DDX1: variants seen among roughly 807,000 people sequenced by gnomAD.
The protein encoded by DDX1 is DEAD-box helicase 1, also known as ATP-dependent RNA helicase DDX1.
A neutral mutation model predicts 108.7 loss-of-function variants in DDX1; 28 were observed. The ratio of observed to expected loss-of-function variants is 0.26; its 90% CI spans 0.19 to 0.35. The LOEUF (loss-of-function observed/expected upper bound fraction) is 0.35. Among genes scored for constraint, DDX1 ranks in the 10% least tolerant of loss-of-function variants. DDX1 has a pLI of 1.00. For missense variants in DDX1, 710 were observed against 884.5 expected (o/e 0.80, Z 2.50); for synonymous variants, 295 against 288.9 (o/e 1.02, Z -0.21).
chr2:15,629,902 C>A, intron 24 of DDX1, 88 bp from the exon 25 acceptor site: 1 of 1,307,292 alleles, frequency 7.6e-7, no homozygotes, highest in Non-Finnish European at 1.1e-6. Flanking sequence ...ACCAAGCATT[C>A]TGGCCTTTCC....
In DDX1 at chr2:15,604,512, A is replaced by G; in HGVS notation, c.625+3A>G. On this transcript the variant is annotated splice_donor_region_variant and intron_variant, in intron 10 of 25. Transcript: ENST00000233084. ...ACATGTCAAGTTCTCCAAAAATGGTAAGCTCTATATGGATCTTAGTAGTGA... is the reference window on the plus strand; with the variant it reads ...ACATGTCAAGTTCTCCAAAAATGGTGAGCTCTATATGGATCTTAGTAGTGA... 6.3e-7 allele frequency: 1 copy of G among 1,577,530 alleles called. No homozygotes were observed. The highest frequency in any genetic ancestry group is 1.1e-5 in the South Asian group (1 of 90,288).
In DDX1 at chr2:15,628,533, T is replaced by C. The variant is rs1345115215; in HGVS notation, c.1759+16T>C. The C allele has an allele frequency of 6.2e-7, 1 of 1,608,578 alleles. No homozygotes were observed. The highest frequency in any genetic ancestry group is 1.1e-5 in the South Asian group (1 of 90,960). On this transcript the variant is annotated intron_variant, in intron 21 of 25. Transcript: ENST00000233084. ...GTTCCTTATGGTAAAAAGCAACTTT[T>C]TATGCCTGTAGTGTGATTGTTACGG... is the stretch of plus-strand genomic sequence containing the variant.
At chr2:15,609,443 G>A (rs1044018952) in intron 13 of DDX1, among the ~76,000 whole-genome samples, 3 of 152,190 alleles carry the variant, frequency 2.0e-5, no homozygotes, top group South Asian at 4.1e-4. Flanking sequence ...TACACTGACT[G>A]TACATGCCTT....
chr2:15,612,972 G>C (rs977088648), intron 13 of DDX1, among the ~76,000 whole-genome samples: 4 of 151,748 alleles, frequency 2.6e-5, no homozygotes, highest in East Asian at 3.9e-4. Flanking sequence ...GTCCAGCTTC[G>C]GCTCGGTATC....
intron 1 of DDX1, among the ~76,000 whole-genome samples, chr2:15,594,053 G>A (rs1408946521): frequency 6.6e-6 from 1 of 151,778 alleles, no homozygotes; most frequent in African/African-American, 2.4e-5. Context: ...ACTCCAGCCT[G>A]GGTGACAGAG....
chr2:15,593,935 G>A (rs564000791), intron 1 of DDX1, among the ~76,000 whole-genome samples: 59 of 152,086 alleles, frequency 3.9e-4, no homozygotes, highest in African/African-American at 7.2e-4. Context: ...AAAAATTAGC[G>A]GGCGTGGTGG....
intron 11 of DDX1, 60 bp downstream of exon 11, chr2:15,606,086 A>G: frequency 6.4e-7 from 1 of 1,561,800 alleles, no homozygotes; most frequent in Non-Finnish European, 8.8e-7. Flanking sequence ...ACTCTTCATT[A>G]TTTTGTATAC....
intron 4 of DDX1, 64 bp from the exon 5 acceptor site, chr2:15,597,311 A>G (rs1665518414): frequency 4.0e-6 from 4 of 1,005,136 alleles, no homozygotes; most frequent in South Asian, 2.9e-5. Flanking sequence ...TGTCATTTAT[A>G]TTGGTTATTA....
intron 3 of DDX1, among the ~76,000 whole-genome samples, chr2:15,596,517 T>C (rs1665500956): frequency 6.6e-6 from 1 of 152,032 alleles, no homozygotes. Context: ...GTTTGAATGG[T>C]AGCAATGGGA....
chr2:15,625,281 C>T (rs892750042), intron 19 of DDX1, among the ~76,000 whole-genome samples: 1 of 152,060 alleles, frequency 6.6e-6, no homozygotes, highest in African/African-American at 2.4e-5. Context: ...GAAAAAATGT[C>T]AGAACAGTAG....
intron 18 of DDX1, among the ~76,000 whole-genome samples, chr2:15,622,476 T>G (rs951845539): frequency 5.3e-5 from 8 of 152,218 alleles, no homozygotes; most frequent in Non-Finnish European, 4.4e-5. Context: ...GAATGGATCT[T>G]AAACCCATTA....
At chr2:15,592,059 A>G (rs1665422133) in intron 1 of DDX1, 110 bp downstream of exon 1, 3 of 1,055,364 alleles carry the variant, frequency 2.8e-6, no homozygotes, top group Non-Finnish European at 3.8e-6. Context: ...TCAGGGAGAC[A>G]GAAGGGCGCT....
chr2:15,592,283 C>T (rs1461028231), intron 1 of DDX1, among the ~76,000 whole-genome samples: 1 of 152,222 alleles, frequency 6.6e-6, no homozygotes, highest in Non-Finnish European at 1.5e-5. Flanking sequence ...CCTGGGCCTC[C>T]TGCCTCTTAA....
chr2:15,625,233 A>G (rs865875524), intron 19 of DDX1, among the ~76,000 whole-genome samples: 2 of 150,672 alleles, frequency 1.3e-5, no homozygotes, highest in Non-Finnish European at 3.0e-5. Context: ...CAATCTATTT[A>G]TATGACATTT....
Position 15,617,323 on chromosome 2 carries a change from T to C in DDX1, c.1097T>C (p.Phe366Ser). ...AAGCTGAACTTATCTCAAGTTAGAT[T>C]CCTGGTCCTGGATGAAGCTGTATGT... is the stretch of plus-strand genomic sequence containing the variant. ...TGKLNLSQVR[F>S]LVLDEADGLL... is the part of the protein sequence containing the mutation. Residue 366 changes from phenylalanine to serine, a missense_variant, in exon 15 of 26, where the codon TTC becomes TCC. Physicochemically the swap from Phe to Ser is radical, Grantham distance 155 (BLOSUM62 -2). This residue lies in a region of DDX1 where 661 missense variants were observed against 810.2 expected (regional missense o/e 0.82). Coordinates refer to ENST00000233084, the MANE Select transcript of DDX1 (RefSeq NM_004939.3). The C allele has an allele frequency of 1.3e-6, 2 of 1,595,256 alleles. No individual in the cohort carries two copies. The highest frequency in any genetic ancestry group is 1.7e-6 in the Non-Finnish European group (2 of 1,168,138).
intron 10 of DDX1, among the ~76,000 whole-genome samples, chr2:15,605,738 G>C (rs1167007696): frequency 1.3e-5 from 2 of 152,166 alleles, no homozygotes; most frequent in African/African-American, 4.8e-5. Context: ...AAATGAACTT[G>C]TAGACAGGGA....
At chr2:15,594,042 C>G (rs2148735746) in intron 1 of DDX1, among the ~76,000 whole-genome samples, 1 of 151,688 alleles carries the variant, frequency 6.6e-6, no homozygotes. Context: ...CATGCCCCTA[C>G]ACTCCAGCCT....
rs756502261 is a variant in DDX1 at position 15,630,070 on chromosome 2, T to C, written c.2052T>C (p.Phe684=). ...EPDIKVPVDE[F]DGKVTYGQKR... is the part of the protein sequence containing the mutation. ...ATATAAAGGTACCAGTGGATGAATTTGATGGGAAAGTTACCTACGGTCAGA... is the reference window on the plus strand; with the variant it reads ...ATATAAAGGTACCAGTGGATGAATTCGATGGGAAAGTTACCTACGGTCAGA... The change falls in exon 25 of 26, where the codon TTT becomes TTC. Residue 684 remains phenylalanine (F), a synonymous_variant. Coordinates refer to ENST00000233084, the MANE Select transcript of DDX1 (RefSeq NM_004939.3). The C allele has an allele frequency of 1.2e-6, 2 of 1,613,772 alleles. No individual in the cohort carries two copies. The highest frequency in any genetic ancestry group is 2.2e-5 in the East Asian group (1 of 44,860).
At chr2:15,623,662 A>G (rs1477287244) in intron 19 of DDX1, 80 bp downstream of exon 19, 1 of 1,203,102 alleles carries the variant, frequency 8.3e-7, no homozygotes, top group African/African-American at 1.5e-5. Flanking sequence ...TGCAATCTAG[A>G]ACACATGCAC....
Sources: allele counts gnomAD v4.1 joint callset (sites outside exome capture counted in the v4.1 genomes callset), GRCh38; gene constraint gnomAD v4.1.1; regional missense constraint gnomAD v4.1.1; transcripts MANE v1.5; gene names NCBI Gene and HGNC (gene_info 2026-07-23, HGNC 2026-07-21).